Variants in SHH observed in about 807,000 individuals in gnomAD.
SHH encodes the protein sonic hedgehog signaling molecule.
SHH carries 3 observed loss-of-function variants against 16.6 expected under a neutral mutation model. The ratio of observed to expected loss-of-function variants is 0.18; its 90% CI spans 0.08 to 0.47. The LOEUF (loss-of-function observed/expected upper bound fraction) is 0.47, where lower values mean the gene tolerates loss of function less well. SHH is among the 20% of genes least tolerant of loss of function. The pLI is 0.98. For synonymous variants in SHH, 351 were observed against 316.2 expected (o/e 1.11, Z -1.17); for missense variants, 499 against 665.0 (o/e 0.75, Z 2.75).
Position 155,803,329 on chromosome 7 carries a change from C to T in SHH, c.960G>A (p.Glu320=), listed in dbSNP as rs1803249178. The change falls in exon 3 of 3, where the codon GAG becomes GAA. Residue 320 remains glutamate (E), a synonymous_variant. Transcript: ENST00000297261. ...GCAGGAGCCGGCGGTCCCCGTCACG[C>T]TCGGCCACCACGTACACGCGCTGGC... is the stretch of plus-strand genomic sequence containing the variant. ...RPGQRVYVVA[E]RDGDRRLLPA... is the part of the protein sequence containing the mutation. 2 of 1,474,902 alleles carry T rather than the reference C, an allele frequency of 1.4e-6. No individual in the cohort carries two copies. Among genetic ancestry groups the T allele is most frequent in the African/African-American group, 1.5e-5 (1 of 68,114 alleles). 91.4% of individuals were successfully genotyped at this position (1,474,902 alleles called of 1,614,324 possible).
Position 155,809,421 on chromosome 7 carries a change from T to C in SHH, c.300+2402A>G, listed in dbSNP as rs1032952656. Among the ~76,000 whole-genome samples, 6 of 151,900 alleles carry C rather than the reference T, an allele frequency of 3.9e-5. No individual in the cohort carries two copies. Among genetic ancestry groups the C allele is most frequent in the Non-Finnish European group, 8.8e-5 (6 of 67,958 alleles). ...GGCCTGGGGCTCCCCTGCCGCCTCC[T>C]GCACCCCGCCCCTGCCCTCAGCACC... is the stretch of plus-strand genomic sequence containing the variant. On this transcript the variant is annotated intron_variant, in intron 1 of 2. Transcript: ENST00000297261. This position sits in a 1 kb window ranked among gnomAD's most constrained non-coding sequence, Gnocchi z 6.1.
At position 155,806,435 on chromosome 7, in the gene SHH, G is replaced by A. The variant is rs763132615; in HGVS notation, c.423C>T (p.Tyr141=). 7 of 1,613,830 alleles carry A rather than the reference G, an allele frequency of 4.3e-6. No homozygotes were observed. In the East Asian group the frequency reaches 1.1e-4, roughly 26 times the overall value. The change falls in exon 2 of 3, where the codon TAC becomes TAT. Residue 141 remains tyrosine, a synonymous_variant. Coordinates refer to ENST00000297261, the MANE Select transcript of SHH (RefSeq NM_000193.4). ...TGGTGATGTCCACTGCGCGGCCCTCGTAGTGCAGAGACTCCTCTGAGTGGT... is the reference window on the plus strand; with the variant it reads ...TGGTGATGTCCACTGCGCGGCCCTCATAGTGCAGAGACTCCTCTGAGTGGT... The part of the protein sequence containing the change: ...DGHHSEESLH[Y]EGRAVDITTS...
intron 2 of SHH, 31 bp downstream of exon 2, chr7:155,806,265 G>A (rs1803358451): frequency 6.2e-7 from 1 of 1,612,724 alleles, no homozygotes; most frequent in African/African-American, 1.3e-5. Flanking sequence ...GCCTTCCTTG[G>A]GTCGGATCCG....
rs941616708 is a variant in SHH at position 155,809,926 on chromosome 7, G to C, written c.300+1897C>G. On this transcript the variant is annotated intron_variant, in intron 1 of 2. Coordinates refer to ENST00000297261, the MANE Select transcript of SHH (RefSeq NM_000193.4). This position sits in a 1 kb window ranked among gnomAD's most constrained non-coding sequence, Gnocchi z 6.1. ...GACTGGGGATGGGGGCGCGTCCCAG[G>C]GCAGGCCGGCGGAGCCCGCGATGCG... Among the ~76,000 whole-genome samples the C allele has an allele frequency of 7.0e-4, 106 of 151,664 alleles. 2 individuals carry two copies. The highest frequency in any genetic ancestry group is 2.5e-3 in the African/African-American group (103 of 41,490).
Position 155,802,702 on chromosome 7 carries a change from T to C in SHH, c.*198A>G. 1 of 401,602 alleles carries C rather than the reference T, an allele frequency of 2.5e-6. No individual in the cohort carries two copies. The highest frequency in any genetic ancestry group is 3.6e-5 in the East Asian group (1 of 27,898). 24.9% of individuals were successfully genotyped at this position (401,602 alleles called of 1,614,324 possible). A position where few individuals can be genotyped will look rare whatever the true frequency, so the allele number is the denominator to read the frequency against. On this transcript the variant is annotated 3_prime_UTR_variant, in exon 3 of 3. Coordinates refer to ENST00000297261, the MANE Select transcript of SHH (RefSeq NM_000193.4). Reference sequence around the variant, plus strand: ...TAACCAAAAAAATTCAAAAAATATATATCAACTAAGCACAACAACAAAACT... The same window carrying C: ...TAACCAAAAAAATTCAAAAAATATACATCAACTAAGCACAACAACAAAACT...
intron 1 of SHH, among the ~76,000 whole-genome samples, chr7:155,808,684 G>A (rs1289340001): frequency 1.3e-5 from 2 of 152,218 alleles, no homozygotes; most frequent in Non-Finnish European, 2.9e-5. Context: ...GCCCAGGCCG[G>A]TTATTAATTC....
rs765185470 is a variant in SHH at position 155,812,054 on chromosome 7, C to T, written c.69G>A (p.Ala23=). Residue 23 remains alanine (A), a synonymous_variant, in exon 1 of 3, where the codon GCG becomes GCA. Transcript: ENST00000297261. ...VSSLLVCSGL[A]CGPGRGFGKR... ...TCCCGAACCCCCTGCCCGGTCCGCA[C>T]GCCAGTCCCGAGCATACCAGCAGCG... The T allele has an allele frequency of 2.5e-6, 4 of 1,614,076 alleles. No individual in the cohort carries two copies. The highest frequency in any genetic ancestry group is 3.4e-6 in the Non-Finnish European group (4 of 1,180,038).
At position 155,800,688 on chromosome 7, in the gene SHH, C is replaced by A; in HGVS notation, c.*2212G>T. On this transcript the variant is annotated 3_prime_UTR_variant, in exon 3 of 3. Transcript: ENST00000297261. Reference sequence around the variant, plus strand: ...ACCACCTAGAACACCAAAGAAAAGTCTTTTACAGAAAAAGGCTGAGGACTG... The same window carrying A: ...ACCACCTAGAACACCAAAGAAAAGTATTTTACAGAAAAAGGCTGAGGACTG... 1 of 468,602 alleles carries A rather than the reference C, an allele frequency of 2.1e-6. No individual in the cohort carries two copies. Among genetic ancestry groups the A allele is most frequent in the Admixed American group, 2.4e-5 (1 of 42,386 alleles). The allele number at this position is 468,602 out of a possible 1,614,324, so 29.0% of individuals were successfully genotyped here.
Position 155,811,729 on chromosome 7 carries a change from C to T in SHH, c.300+94G>A, listed in dbSNP as rs926620009. On this transcript the variant is annotated intron_variant, in intron 1 of 2. Coordinates refer to ENST00000297261, the MANE Select transcript of SHH (RefSeq NM_000193.4). ...GCGGGTGAAATCACCTTCCTATCTG[C>T]CCGAAGAGCAAACAGAGTTAAGTCT... The T allele has an allele frequency of 1.4e-5, 18 of 1,270,466 alleles. No individual in the cohort carries two copies. The South Asian group carries it at 1.8e-4, about 13-fold the overall frequency. The allele number at this position is 1,270,466 out of a possible 1,614,324, so 78.7% of individuals were successfully genotyped here.
intron 1 of SHH, among the ~76,000 whole-genome samples, chr7:155,808,517 G>A (rs979056351): frequency 2.6e-5 from 4 of 152,220 alleles, no homozygotes; most frequent in African/African-American, 7.2e-5. Context: ...GGGCCGCGAC[G>A]GGAGGTGGCT....
chr7:155,800,244 G>T lies in SHH; in HGVS notation c.*2656C>A, dbSNP rs1803151378. The T allele has an allele frequency of 2.1e-6, 1 of 469,996 alleles. No individual in the cohort carries two copies. Among genetic ancestry groups the T allele is most frequent in the African/African-American group, 2.0e-5 (1 of 49,958 alleles). The allele number at this position is 469,996 out of a possible 1,614,324, so 29.1% of individuals were successfully genotyped here. ...CTCTAAGCAGTGGTTTCCTTTCCTTGCCTGTGAAAAAGAGAATTTTAAATA... is the reference window on the plus strand; with the variant it reads ...CTCTAAGCAGTGGTTTCCTTTCCTTTCCTGTGAAAAAGAGAATTTTAAATA... On this transcript the variant is annotated 3_prime_UTR_variant, in exon 3 of 3. Coordinates refer to ENST00000297261, the MANE Select transcript of SHH (RefSeq NM_000193.4).
chr7:155,808,171 A>C (rs1283271689), intron 1 of SHH, among the ~76,000 whole-genome samples: 1 of 152,228 alleles, frequency 6.6e-6, no homozygotes, highest in Non-Finnish European at 1.5e-5. Context: ...AGTTAAAAAA[A>C]AAAGTCGGAA....
At position 155,801,920 on chromosome 7, in the gene SHH, G is replaced by C. The variant is rs113260057; in HGVS notation, c.*980C>G. 2.0e-5 allele frequency: 3 copies of C among 152,088 alleles called. No homozygotes were observed. The highest frequency in any genetic ancestry group is 2.9e-5 in the Non-Finnish European group (2 of 68,014). 9.4% of individuals were successfully genotyped at this position (152,088 alleles called of 1,614,324 possible). On this transcript the variant is annotated 3_prime_UTR_variant, in exon 3 of 3. Coordinates refer to ENST00000297261, the MANE Select transcript of SHH (RefSeq NM_000193.4). ...AAATACATTTTAGTAAATTTACAGC[G>C]TTATTTCTCAATTTATTAATGCAAA... is the stretch of plus-strand genomic sequence containing the variant.
In SHH at chr7:155,803,730, C is replaced by G; in HGVS notation, c.563-4G>C. The stretch of plus-strand genomic sequence containing the variant: ...GATTTGGCCGCCACCGAGTTCTCTG[C>G]GGGTGAGGAGAAGGGAAAGAAGAGA... On this transcript the variant is annotated splice_polypyrimidine_tract_variant and splice_region_variant and intron_variant, in intron 2 of 2. Coordinates refer to ENST00000297261, the MANE Select transcript of SHH (RefSeq NM_000193.4). 1.3e-6 allele frequency: 2 copies of G among 1,594,770 alleles called. No homozygotes were observed. The highest frequency in any genetic ancestry group is 8.5e-7 in the Non-Finnish European group (1 of 1,177,336).
In SHH at chr7:155,812,268, C is replaced by T; in HGVS notation, c.-146G>A. ...CGCTCGCTCTCTCCCTCGCTGGCTG[C>T]CTCGCTCTTTCTCTTCCTATATAAC... On this transcript the variant is annotated 5_prime_UTR_variant, in exon 1 of 3. Coordinates refer to ENST00000297261, the MANE Select transcript of SHH (RefSeq NM_000193.4). 1 of 779,700 alleles carries T rather than the reference C, an allele frequency of 1.3e-6. No homozygotes were observed. The highest frequency in any genetic ancestry group is 2.2e-6 in the Non-Finnish European group (1 of 457,096). The allele number at this position is 779,700 out of a possible 1,614,324, so 48.3% of individuals were successfully genotyped here.
chr7:155,812,180 C>T lies in SHH; in HGVS notation c.-58G>A. The T allele has an allele frequency of 6.4e-7, 1 of 1,564,732 alleles. No individual in the cohort carries two copies. The highest frequency in any genetic ancestry group is 8.8e-7 in the Non-Finnish European group (1 of 1,136,322). On this transcript the variant is annotated 5_prime_UTR_variant, in exon 1 of 3. Transcript: ENST00000297261. ...CCCCGTGCGGGTCCGTGCGCGAGTG[C>T]GCGCGGCGGGTGTGTGCGTGTGCGC...
chr7:155,811,168 C>T (rs923103710), intron 1 of SHH, among the ~76,000 whole-genome samples: 2 of 152,260 alleles, frequency 1.3e-5, no homozygotes, highest in African/African-American at 2.4e-5. Context: ...GGCACAATTG[C>T]GGACACGCAA....
At chr7:155,806,722 G>T in intron 1 of SHH, 165 bp from the exon 2 acceptor site, 1 of 841,086 alleles carries the variant, frequency 1.2e-6, no homozygotes, top group Non-Finnish European at 2.0e-6. Flanking sequence ...GAAGAGCCGG[G>T]CCCTGGGCTG....
At position 155,809,885 on chromosome 7, in the gene SHH, G is replaced by A. The variant is rs1803464707; in HGVS notation, c.300+1938C>T. On this transcript the variant is annotated intron_variant, in intron 1 of 2. Transcript: ENST00000297261. The surrounding 1 kb of genome is among the most constrained non-coding windows in gnomAD (Gnocchi z 6.1). ...TCCGGCTGGGACGCGGAGGCCTAGA[G>A]GCCAGGCAGGCGGCGGACTGGGGAT... Among the ~76,000 whole-genome samples, 1 of 151,516 alleles carries A rather than the reference G, an allele frequency of 6.6e-6. No homozygotes were observed. Among genetic ancestry groups the A allele is most frequent in the Non-Finnish European group, 1.5e-5 (1 of 67,802 alleles).
Sources: gnomAD v4.1 joint callset for allele counts (sites outside exome capture counted in the v4.1 genomes callset) on GRCh38, gnomAD v4.1.1 for gene constraint, Gnocchi (gnomAD v3.1) non-coding constraint, MANE v1.5 for transcripts, NCBI Gene and HGNC (gene_info 2026-07-23, HGNC 2026-07-21) for gene names.